Variants in ZFYVE9 observed in about 807,000 individuals in gnomAD.
The protein encoded by ZFYVE9 is zinc finger FYVE-type containing 9.
ZFYVE9 carries 43 observed loss-of-function variants against 126.7 expected under a neutral mutation model. The ratio of observed to expected loss-of-function variants is 0.34; its 90% CI spans 0.27 to 0.44. The LOEUF is 0.44. Among genes scored for constraint, ZFYVE9 ranks in the 20% least tolerant of loss-of-function variants. The pLI is 1.00. For missense variants in ZFYVE9, 1,476 were observed against 1,697.0 expected (o/e 0.87, Z 2.29); for synonymous variants, 521 against 597.4 (o/e 0.87, Z 1.87).
At chr1:52,229,538 A>C (rs1645198678) in intron 2 of ZFYVE9, among the ~76,000 whole-genome samples, 1 of 152,210 alleles carries the variant, frequency 6.6e-6, no homozygotes, top group African/African-American at 2.4e-5. Flanking sequence ...TGTTTGAATC[A>C]GTTATCGTAA....
At chr1:52,284,665 C>T (rs1285395287) in intron 10 of ZFYVE9, among the ~76,000 whole-genome samples, 4 of 152,238 alleles carry the variant, frequency 2.6e-5, no homozygotes, top group East Asian at 3.9e-4. Flanking sequence ...GTGATCCGCC[C>T]GCCTCGGCCT....
intron 1 of ZFYVE9, among the ~76,000 whole-genome samples, chr1:52,181,539 C>T (rs568909508): frequency 1.8e-4 from 27 of 151,968 alleles, no homozygotes; most frequent in Non-Finnish European, 3.7e-4. Flanking sequence ...TCTGCCTGGC[C>T]GCCCATCGTC....
At chr1:52,152,864 A>T (rs1644370155) in intron 1 of ZFYVE9, among the ~76,000 whole-genome samples, 1 of 152,242 alleles carries the variant, frequency 6.6e-6, no homozygotes, top group African/African-American at 2.4e-5. Context: ...GTTGAAATGG[A>T]TGTAGTAGCA....
chr1:52,232,776 TC>T (rs1293916180), intron 2 of ZFYVE9, among the ~76,000 whole-genome samples: 1 of 140,864 alleles, frequency 7.1e-6, no homozygotes, highest in Non-Finnish European at 1.5e-5. Context: ...GTCAGAGTCA[TC>T]ATTAGCATTT....
At chr1:52,266,439 G>A (rs1054493262) in intron 5 of ZFYVE9, among the ~76,000 whole-genome samples, 2 of 122,180 alleles carry the variant, frequency 1.6e-5, no homozygotes, top group African/African-American at 3.3e-5. Context: ...AAAAAATCAT[G>A]TTACTCTTAT....
intron 6 of ZFYVE9, 50 bp downstream of exon 6, chr1:52,266,881 GA>G (rs1334197924): frequency 1.3e-6 from 2 of 1,485,620 alleles, no homozygotes; most frequent in East Asian, 4.9e-5. Flanking sequence ...AAGTTCCTCT[GA>G]AAAGGTGCTG....
At chr1:52,194,113 A>G (rs574105077) in intron 1 of ZFYVE9, among the ~76,000 whole-genome samples, 1 of 152,268 alleles carries the variant, frequency 6.6e-6, no homozygotes, top group African/African-American at 2.4e-5. Context: ...CATCTCAAAA[A>G]CAAACAAAGT....
intron 13 of ZFYVE9, among the ~76,000 whole-genome samples, chr1:52,319,782 AG>A (rs1474405831): frequency 6.6e-6 from 1 of 151,500 alleles, no homozygotes; most frequent in East Asian, 2.0e-4. Flanking sequence ...GGGGAGGCCA[AG>A]GTGGGCAGAT....
At chr1:52,318,851 A>G (rs983419957) in intron 13 of ZFYVE9, among the ~76,000 whole-genome samples, 3 of 152,166 alleles carry the variant, frequency 2.0e-5, no homozygotes, top group Non-Finnish European at 4.4e-5. Flanking sequence ...TAATTCCAAC[A>G]CTTTGGAGGA....
At chr1:52,303,739 C>A in intron 12 of ZFYVE9, 82 bp from the exon 13 acceptor site, 1 of 821,238 alleles carries the variant, frequency 1.2e-6, no homozygotes. Flanking sequence ...ACATTTTTTC[C>A]ATTCGTGTTA....
intron 12 of ZFYVE9, among the ~76,000 whole-genome samples, chr1:52,300,361 G>A (rs1646021900): frequency 6.6e-6 from 1 of 152,080 alleles, no homozygotes; most frequent in Admixed American, 6.6e-5. Context: ...GGAGGCCAAG[G>A]CAGGCGGATC....
At chr1:52,208,325 T>G (rs1188053046) in intron 1 of ZFYVE9, among the ~76,000 whole-genome samples, 1 of 152,208 alleles carries the variant, frequency 6.6e-6, no homozygotes, top group African/African-American at 2.4e-5. Flanking sequence ...ATGGTTGATT[T>G]AAAATTCCAG....
At chr1:52,267,824 C>G (rs1325961235) in intron 6 of ZFYVE9, among the ~76,000 whole-genome samples, 1 of 152,146 alleles carries the variant, frequency 6.6e-6, no homozygotes, top group Non-Finnish European at 1.5e-5. Flanking sequence ...TTTCATCAGA[C>G]TCAGTTTTCC....
intron 2 of ZFYVE9, 137 bp from the exon 3 acceptor site, chr1:52,233,034 A>G (rs770675256): frequency 1.7e-5 from 5 of 298,016 alleles, no homozygotes; most frequent in East Asian, 5.6e-5. Context: ...ATCTTATAAT[A>G]TATCCAGTGG....
intron 1 of ZFYVE9, among the ~76,000 whole-genome samples, chr1:52,161,482 G>C (rs542367220): frequency 4.3e-4 from 65 of 152,088 alleles, no homozygotes; most frequent in Non-Finnish European, 8.7e-4. Flanking sequence ...GTAGAGACAG[G>C]GTTTTGCTAT....
intron 1 of ZFYVE9, among the ~76,000 whole-genome samples, chr1:52,155,197 A>G (rs1390935637): frequency 1.3e-5 from 2 of 150,930 alleles, no homozygotes; most frequent in East Asian, 3.9e-4. Flanking sequence ...TCTTAATAGG[A>G]CACAGTTGCA....
chr1:52,184,358 C>A (rs1169935317), intron 1 of ZFYVE9, among the ~76,000 whole-genome samples: 1 of 146,902 alleles, frequency 6.8e-6, no homozygotes, highest in African/African-American at 2.5e-5. Flanking sequence ...TCCCAAGTAG[C>A]TGGGAGTACA....
intron 1 of ZFYVE9, chr1:52,162,805 A>C (rs1644474844): frequency 5.8e-6 from 2 of 342,284 alleles, no homozygotes; most frequent in Admixed American, 6.7e-5. Flanking sequence ...TATCTGGATC[A>C]AGAGTGGGAT....
chr1:52,238,354 A>G lies in ZFYVE9; in HGVS notation c.937A>G (p.Met313Val), dbSNP rs1410644676. The G allele has an allele frequency of 4.3e-6, 7 of 1,613,830 alleles. No homozygotes were observed. The highest frequency in any genetic ancestry group is 5.9e-6 in the Non-Finnish European group (7 of 1,179,978). Reference sequence around the variant, plus strand: ...AGGGAGTCCAAATTCCTTTTCCCACATGAGTGAGGGGATTTTGATGAAAAA... The same window carrying G: ...AGGGAGTCCAAATTCCTTTTCCCACGTGAGTGAGGGGATTTTGATGAAAAA... Reference protein sequence around the residue: ...DLGSPNSFSHMSEGILMKKEP... With the variant: ...DLGSPNSFSHVSEGILMKKEP... The change falls in exon 4 of 19, where the codon ATG (methionine) becomes GTG (valine). Residue 313 changes from methionine (M) to valine (V), a missense_variant. This residue lies in a region of ZFYVE9 where 807 missense variants were observed against 794.6 expected (regional missense o/e 1.02). Transcript: ENST00000287727.
Sources: gnomAD v4.1 joint callset for allele counts (sites outside exome capture counted in the v4.1 genomes callset) on GRCh38, gnomAD v4.1.1 for gene constraint, gnomAD v4.1.1 regional missense constraint, MANE v1.5 for transcripts, NCBI Gene and HGNC (gene_info 2026-07-23, HGNC 2026-07-21) for gene names.